Variants in SHC4 observed in about 807,000 individuals in gnomAD.
SHC4 encodes SHC-transforming protein 4.
Under a neutral mutation model 69.4 loss-of-function variants are expected in SHC4, and 41 were observed. The observed-to-expected ratio is 0.59, with a 90% CI of 0.46 to 0.77. The LOEUF (loss-of-function observed/expected upper bound fraction) is 0.77. Among genes scored for constraint, SHC4 ranks in the 30% least tolerant of loss-of-function variants. The probability of loss-of-function intolerance (pLI) is 0.00; values close to 1 mark genes in which losing one functional copy is unlikely to be tolerated. For missense variants in SHC4, 777 were observed against 783.8 expected (o/e 0.99, Z 0.10); for synonymous variants, 318 against 299.3 (o/e 1.06, Z -0.64).
chr15:48,919,851 A>G (rs4381535), intron 2 of SHC4, among the ~76,000 whole-genome samples: 51,061 of 151,874 alleles, frequency 0.34, 9,145 homozygotes, highest in Admixed American at 0.45. Flanking sequence ...ATGTATAGAC[A>G]CATCTACAAG....
At chr15:48,841,571 G>A (rs1442066514) in intron 10 of SHC4, among the ~76,000 whole-genome samples, 1 of 152,186 alleles carries the variant, frequency 6.6e-6, no homozygotes, top group Non-Finnish European at 1.5e-5. Context: ...TGAGATAAAT[G>A]GGGCTATATA....
In SHC4 at chr15:48,913,855, G is replaced by A. The variant is rs537354942; in HGVS notation, c.656+11024C>T. Among the ~76,000 whole-genome samples, 5 of 152,256 alleles carry A rather than the reference G, an allele frequency of 3.3e-5. No individual in the cohort carries two copies. The South Asian group carries it at 6.2e-4, about 19-fold the overall frequency. On this transcript the variant is annotated intron_variant, in intron 2 of 11. Transcript: ENST00000332408. ...CCAGGTAAAGTTGGAAACTTCTCCC[G>A]CAAACAGATCTTCAGCTTCCCCAGT...
intron 2 of SHC4, among the ~76,000 whole-genome samples, chr15:48,903,700 T>C (rs549657476): frequency 1.3e-4 from 20 of 152,328 alleles, no homozygotes; most frequent in African/African-American, 4.8e-4. Context: ...TCATTAGATA[T>C]GCAAATTATT....
At chr15:48,925,757 G>A (rs745557365) in intron 1 of SHC4, among the ~76,000 whole-genome samples, 2 of 152,194 alleles carry the variant, frequency 1.3e-5, no homozygotes, top group Non-Finnish European at 2.9e-5. Flanking sequence ...GCTTAAGTCA[G>A]CGGCAGTATG....
At chr15:48,902,127 C>T (rs572279492) in intron 2 of SHC4, among the ~76,000 whole-genome samples, 3 of 150,054 alleles carry the variant, frequency 2.0e-5, no homozygotes, top group East Asian at 2.0e-4. Flanking sequence ...TGCTTGAGCC[C>T]GGGAGGTTAA....
At chr15:48,930,117 A>G (rs1900932769) in intron 1 of SHC4, among the ~76,000 whole-genome samples, 1 of 152,226 alleles carries the variant, frequency 6.6e-6, no homozygotes, top group Non-Finnish European at 1.5e-5. Context: ...GAAAAAAAAG[A>G]TACATATTCT....
chr15:48,946,707 T>C (rs1901283828), intron 1 of SHC4: 1 of 469,466 alleles, frequency 2.1e-6, no homozygotes, highest in Non-Finnish European at 2.8e-6. Flanking sequence ...TGGAACATTC[T>C]CTCCCCAGAA....
At chr15:48,905,431 C>T (rs1198208956) in intron 2 of SHC4, among the ~76,000 whole-genome samples, 3 of 152,230 alleles carry the variant, frequency 2.0e-5, no homozygotes, top group African/African-American at 4.8e-5. Context: ...TGCCATTCAA[C>T]TGCAGCTTCT....
chr15:48,961,080 T>C (rs565859983), intron 1 of SHC4, among the ~76,000 whole-genome samples: 39 of 152,294 alleles, frequency 2.6e-4, no homozygotes, highest in African/African-American at 7.2e-4. Context: ...GCCTTACCAT[T>C]CACCTCCTTT....
intron 3 of SHC4, among the ~76,000 whole-genome samples, chr15:48,888,516 CA>C (rs1377012999): frequency 6.6e-6 from 1 of 152,012 alleles, no homozygotes; most frequent in African/African-American, 2.4e-5. Flanking sequence ...TTTGCAAGAT[CA>C]AAAGAGTTCT....
chr15:48,846,568 G>C (rs1310045335), intron 9 of SHC4, among the ~76,000 whole-genome samples: 1 of 152,002 alleles, frequency 6.6e-6, no homozygotes, highest in East Asian at 1.9e-4. Context: ...CCTCCCTAAG[G>C]TTGGGAATGG....
chr15:48,933,331 T>C (rs1415887665), intron 1 of SHC4, among the ~76,000 whole-genome samples: 1 of 152,162 alleles, frequency 6.6e-6, no homozygotes, highest in Non-Finnish European at 1.5e-5. Flanking sequence ...ATTTGCAATA[T>C]GTGATCAAAA....
chr15:48,857,827 C>A lies in SHC4; in HGVS notation c.947-12G>T. The A allele has an allele frequency of 1.3e-6, 2 of 1,489,270 alleles. No individual in the cohort carries two copies. The highest frequency in any genetic ancestry group is 8.9e-7 in the Non-Finnish European group (1 of 1,120,138). 92.3% of individuals were successfully genotyped at this position (1,489,270 alleles called of 1,614,324 possible). A position where few individuals can be genotyped will look rare whatever the true frequency, so the allele number is the denominator to read the frequency against. On this transcript the variant is annotated splice_polypyrimidine_tract_variant and intron_variant, in intron 6 of 11. Coordinates refer to ENST00000332408, the MANE Select transcript of SHC4 (RefSeq NM_203349.4). Reference sequence around the variant, plus strand: ...CAATATGTGACAGGCTGCAAGAGGACATACAAAAAATAATATTATAATAAA... The same window carrying A: ...CAATATGTGACAGGCTGCAAGAGGAAATACAAAAAATAATATTATAATAAA...
At chr15:48,926,732 G>A (rs1900860896) in intron 1 of SHC4, among the ~76,000 whole-genome samples, 1 of 152,056 alleles carries the variant, frequency 6.6e-6, no homozygotes, top group South Asian at 2.1e-4. Flanking sequence ...CAAAGTGCTG[G>A]GATTACAGGC....
At chr15:48,951,880 T>A (rs1901371176) in intron 1 of SHC4, among the ~76,000 whole-genome samples, 1 of 152,240 alleles carries the variant, frequency 6.6e-6, no homozygotes. Flanking sequence ...TGTGTGGACA[T>A]CTTTGCTTTA....
In SHC4 at chr15:48,924,939, C is replaced by G. The variant is rs1301016344; in HGVS notation, c.596G>C (p.Cys199Ser). 8 of 1,614,070 alleles carry G rather than the reference C, an allele frequency of 5.0e-6. No homozygotes were observed. In the South Asian group the frequency reaches 6.6e-5, roughly 13 times the overall value. The change falls in exon 2 of 12, where the codon TGT becomes TCT. Residue 199 changes from cysteine (C) to serine (S), a missense_variant. Physicochemically the swap from Cys to Ser is moderately radical, Grantham distance 112 (BLOSUM62 -1). Transcript: ENST00000332408. The part of the protein sequence containing the change: ...GMNYCVRYMG[C>S]VEVLQSMRSL... ...TCTCATTGATTGCAGCACTTCAACA[C>G]AGCCCATGTACTACAATAAGAAGAA...
intron 1 of SHC4, among the ~76,000 whole-genome samples, chr15:48,943,490 C>G (rs1032313270): frequency 6.6e-6 from 1 of 152,048 alleles, no homozygotes; most frequent in Non-Finnish European, 1.5e-5. Context: ...ATTTCTTTAT[C>G]CCTTTATCCA....
At chr15:48,839,620 C>A (rs922432059) in intron 10 of SHC4, among the ~76,000 whole-genome samples, 1 of 152,182 alleles carries the variant, frequency 6.6e-6, no homozygotes, top group Non-Finnish European at 1.5e-5. Flanking sequence ...ACTGCTGTCC[C>A]ACACTGTTGC....
chr15:48,931,652 T>C (rs1314874357), intron 1 of SHC4, among the ~76,000 whole-genome samples: 1 of 152,072 alleles, frequency 6.6e-6, no homozygotes, highest in East Asian at 1.9e-4. Context: ...GGCACATTCT[T>C]TCTCTCAATT....
Sources: allele counts gnomAD v4.1 joint callset (sites outside exome capture counted in the v4.1 genomes callset), GRCh38; gene constraint gnomAD v4.1.1; transcripts MANE v1.5; gene names NCBI Gene and HGNC (gene_info 2026-07-23, HGNC 2026-07-21).